ATP6V1E2: variants seen among roughly 807,000 people sequenced by gnomAD.
ATP6V1E2 encodes ATPase H+ transporting V1 subunit E2, also known as V-type proton ATPase subunit E 2.
For missense variants in ATP6V1E2, 308 were observed against 273.3 expected (o/e 1.13, Z -0.90); for synonymous variants, 121 against 104.2 (o/e 1.16, Z -0.98).
intron 4 of ATP6V1E2, among the ~76,000 whole-genome samples, chr2:46,529,547 G>A (rs1667082641): frequency 6.6e-6 from 1 of 152,166 alleles, no homozygotes. Flanking sequence ...TTGAGGCCAG[G>A]AGTTTGAGAC....
chr2:46,513,519 C>A (rs13018039), intron 4 of ATP6V1E2, among the ~76,000 whole-genome samples: 57,565 of 152,026 alleles, frequency 0.38, 11,110 homozygotes, highest in East Asian at 0.6. Context: ...TTCACTTCCC[C>A]GAAGCTTTTA....
rs139726404 is a variant in ATP6V1E2, at chr2:46,515,021, C to T, written c.-101-2209G>A. ...AAAAAAACCCTGCTAATCAAGAATA[C>T]TATATTTGGAAAAACTGTCCTACAA... On this transcript the variant is annotated intron_variant, in intron 4 of 4. Coordinates refer to ENST00000522587, the MANE Select transcript of ATP6V1E2 (RefSeq NM_001318063.2). 2.0e-3 allele frequency among the ~76,000 whole-genome samples: 306 copies of T among 151,760 alleles called. 2 individuals carry two copies. Among genetic ancestry groups the T allele is most frequent in the African/African-American group, 7.0e-3 (290 of 41,394 alleles).
intron 4 of ATP6V1E2, among the ~76,000 whole-genome samples, chr2:46,527,539 A>AT (rs541082933): frequency 1.7e-4 from 26 of 151,514 alleles, no homozygotes; most frequent in African/African-American, 6.3e-4. Flanking sequence ...TAATTTTTAA[A>AT]TTTTTTTGTA....
intron 4 of ATP6V1E2, among the ~76,000 whole-genome samples, chr2:46,517,826 T>G (rs539205564): frequency 1.3e-5 from 2 of 152,232 alleles, no homozygotes; most frequent in South Asian, 4.1e-4. Flanking sequence ...TCATTATTTT[T>G]TAAAAAAAGA....
chr2:46,529,458 G>T (rs1667077504), intron 4 of ATP6V1E2, among the ~76,000 whole-genome samples: 2 of 152,208 alleles, frequency 1.3e-5, no homozygotes, highest in South Asian at 4.1e-4. Context: ...CATAGCAGTA[G>T]CTTAATAATG....
In ATP6V1E2 at chr2:46,533,228, T is replaced by C. The variant is rs539264936; in HGVS notation, c.-102+2585A>G. ...GTAGATAGATAGATAGATAGATAGA[T>C]AGATAGATAGATAGATAGATAGATA... On this transcript the variant is annotated intron_variant, in intron 4 of 4. Transcript: ENST00000522587. Among the ~76,000 whole-genome samples the C allele has an allele frequency of 5.3e-3, 802 of 150,874 alleles. 7 individuals are homozygous for C. The highest frequency in any genetic ancestry group is 0.011 in the Admixed American group (172 of 15,070).
chr2:46,529,783 A>G (rs1239382491), intron 4 of ATP6V1E2, among the ~76,000 whole-genome samples: 1 of 151,870 alleles, frequency 6.6e-6, no homozygotes, highest in African/African-American at 2.4e-5. Flanking sequence ...TGATAATAAT[A>G]ATAATAACAA....
At chr2:46,516,730 A>C (rs1687725789) in intron 4 of ATP6V1E2, among the ~76,000 whole-genome samples, 1 of 101,106 alleles carries the variant, frequency 9.9e-6, no homozygotes. Flanking sequence ...TATAGTAGTA[A>C]ACTCTATATT....
chr2:46,540,892 G>A (rs1007477115), intron 2 of ATP6V1E2, among the ~76,000 whole-genome samples: 2 of 152,102 alleles, frequency 1.3e-5, no homozygotes, highest in Non-Finnish European at 2.9e-5. Flanking sequence ...ATGATTCATC[G>A]GACATCAGTT....
intron 4 of ATP6V1E2, among the ~76,000 whole-genome samples, chr2:46,515,012 T>A (rs1687651157): frequency 6.6e-6 from 1 of 151,906 alleles, no homozygotes; most frequent in Admixed American, 6.6e-5. Flanking sequence ...ACCCTGCTAA[T>A]CAAGAATACT....
At position 46,525,698 on chromosome 2, in the gene ATP6V1E2, G is replaced by A. The variant is rs111695743; in HGVS notation, c.-102+10115C>T. Among the ~76,000 whole-genome samples, 6 of 152,260 alleles carry A rather than the reference G, an allele frequency of 3.9e-5. 1 individual carries two copies. Among genetic ancestry groups the A allele is most frequent in the African/African-American group, 1.4e-4 (6 of 41,558 alleles). On this transcript the variant is annotated intron_variant, in intron 4 of 4. Transcript: ENST00000522587. ...AACTCCACTCACACTGGCAAAGCAG[G>A]CTTTGGTCAGGACTGGAGAAAGCTA...
chr2:46,538,635 G>A (rs1037873823), intron 2 of ATP6V1E2, among the ~76,000 whole-genome samples: 17 of 152,068 alleles, frequency 1.1e-4, no homozygotes, highest in African/African-American at 2.4e-5. Context: ...AGTAGTGGTG[G>A]TGGTGGTGGT....
intron 4 of ATP6V1E2, among the ~76,000 whole-genome samples, chr2:46,518,195 A>C (rs185850590): frequency 1.6e-4 from 25 of 152,358 alleles, no homozygotes; most frequent in African/African-American, 5.5e-4. Context: ...GTCACATGTT[A>C]CAACATAGAT....
rs1667134041 is a variant in ATP6V1E2 at position 46,530,560 on chromosome 2, AAG to A, written c.-102+5251_-102+5252del. 6.6e-6 allele frequency among the ~76,000 whole-genome samples: 1 copy of A among 152,174 alleles called. No individual in the cohort carries two copies. Among genetic ancestry groups the A allele is most frequent in the Non-Finnish European group, 1.5e-5 (1 of 68,022 alleles). ...TATAATTATCAGTATGGCTGGATTT[AAG>A]TCTTTTATCTTGCTATTTGTTTTCC... On this transcript the variant is annotated intron_variant, in intron 4 of 4. Coordinates refer to ENST00000522587, the MANE Select transcript of ATP6V1E2 (RefSeq NM_001318063.2). This position sits in a 1 kb window ranked among gnomAD's most constrained non-coding sequence, Gnocchi z 5.2.
intron 4 of ATP6V1E2, among the ~76,000 whole-genome samples, chr2:46,522,745 GGT>G (rs1400069554): frequency 6.6e-6 from 1 of 152,188 alleles, no homozygotes; most frequent in Admixed American, 6.5e-5. Flanking sequence ...TAATCTTTTG[GGT>G]ATATACCCAG....
intron 4 of ATP6V1E2, among the ~76,000 whole-genome samples, chr2:46,523,165 T>C (rs745678469): frequency 4.6e-5 from 7 of 152,158 alleles, no homozygotes; most frequent in Non-Finnish European, 8.8e-5. Flanking sequence ...ATTGAAAAAA[T>C]TTTCTCCCAT....
At position 46,512,533 on chromosome 2, in the gene ATP6V1E2, T is replaced by G; in HGVS notation, c.179A>C (p.Lys60Thr). The G allele has an allele frequency of 6.2e-7, 1 of 1,614,166 alleles. No homozygotes were observed. The highest frequency in any genetic ancestry group is 8.5e-7 in the Non-Finnish European group (1 of 1,180,030). The change falls in exon 5 of 5, where the codon AAG becomes ACG. Residue 60 changes from lysine (K) to threonine (T), a missense_variant. Lys to Thr is a moderately conservative substitution (Grantham distance 78, BLOSUM62 -1). Transcript: ENST00000522587. Reference protein sequence around the residue: ...RLKIMEYYEKKEKQIEQQKKI... With the variant: ...RLKIMEYYEKTEKQIEQQKKI... ...CTTCTGCTGCTCTATCTGCTTCTCC[T>G]TTTTCTCATAATACTCCATAATCTT...
intron 4 of ATP6V1E2, among the ~76,000 whole-genome samples, chr2:46,533,569 C>T (rs746738701): frequency 3.3e-5 from 5 of 152,162 alleles, no homozygotes; most frequent in South Asian, 2.1e-4. Flanking sequence ...CCACCATACC[C>T]GGCCAAGGTC....
At chr2:46,531,797 T>A (rs1421985341) in intron 4 of ATP6V1E2, among the ~76,000 whole-genome samples, 1 of 152,250 alleles carries the variant, frequency 6.6e-6, no homozygotes, top group African/African-American at 2.4e-5. Context: ...TGATGTTGAA[T>A]ACCTTTTCAT....
Sources: allele counts gnomAD v4.1 joint callset (sites outside exome capture counted in the v4.1 genomes callset), GRCh38; gene constraint gnomAD v4.1.1; non-coding constraint Gnocchi (gnomAD v3.1); transcripts MANE v1.5; gene names NCBI Gene and HGNC (gene_info 2026-07-23, HGNC 2026-07-21).